The following ARHGEF37 variants were observed in gnomAD, a reference collection of about 807,000 sequenced individuals.
ARHGEF37 encodes the protein Rho guanine nucleotide exchange factor (GEF) 37.
Under a neutral mutation model 71.1 loss-of-function variants are expected in ARHGEF37, and 55 were observed. The ratio of observed to expected loss-of-function variants is 0.77; its 90% CI spans 0.62 to 0.97. The LOEUF (loss-of-function observed/expected upper bound fraction) is 0.97. Ranked by LOEUF, ARHGEF37 falls within the 50% of genes least tolerant of loss-of-function variation. The pLI, the probability that ARHGEF37 is intolerant of heterozygous loss-of-function variation, is 0.00. For missense variants in ARHGEF37, 765 were observed against 836.8 expected (o/e 0.91, Z 1.06); for synonymous variants, 327 against 350.6 (o/e 0.93, Z 0.75).
At chr5:149,627,475 A>T (rs1300793064) in intron 11 of ARHGEF37, among the ~76,000 whole-genome samples, 1 of 152,212 alleles carries the variant, frequency 6.6e-6, no homozygotes, top group African/African-American at 2.4e-5. Context: ...AGAGGAATTG[A>T]GGCATTCGTT....
chr5:149,591,800 T>C (rs1319430802), intron 1 of ARHGEF37, among the ~76,000 whole-genome samples: 1 of 152,224 alleles, frequency 6.6e-6, no homozygotes, highest in Non-Finnish European at 1.5e-5. Context: ...AACAGATTTT[T>C]GTATTAGATG....
At chr5:149,577,430 G>A (rs999468691), upstream of ARHGEF37, among the ~76,000 whole-genome samples, 9 of 152,206 alleles carry the variant, frequency 5.9e-5, no homozygotes, top group Non-Finnish European at 8.8e-5. Context: ...ATAGCATTGC[G>A]CGTATTGTGG....
At chr5:149,569,831 G>T (rs1271866331) in intron 1 of ARHGEF37, among the ~76,000 whole-genome samples, 1 of 151,438 alleles carries the variant, frequency 6.6e-6, no homozygotes, top group Non-Finnish European at 1.5e-5. Context: ...ATGTTTGCCA[G>T]GCTGGTCTCC....
intron 1 of ARHGEF37, among the ~76,000 whole-genome samples, chr5:149,574,431 T>C (rs749434804): frequency 6.6e-6 from 1 of 152,194 alleles, no homozygotes; most frequent in Non-Finnish European, 1.5e-5. Flanking sequence ...AAAGGCTGGG[T>C]CTCCTCACAG....
At chr5:149,580,237 T>A (rs1327389844), upstream of ARHGEF37, among the ~76,000 whole-genome samples, 1 of 152,090 alleles carries the variant, frequency 6.6e-6, no homozygotes, top group Non-Finnish European at 1.5e-5. Flanking sequence ...ATTTTTCTAT[T>A]TTTGGTAGAG....
At chr5:149,616,297 G>A (rs937707326) in intron 4 of ARHGEF37, among the ~76,000 whole-genome samples, 2 of 152,298 alleles carry the variant, frequency 1.3e-5, no homozygotes, top group Non-Finnish European at 1.5e-5. Flanking sequence ...GTAGTCAGTC[G>A]TGTCTGCTGT....
intron 1 of ARHGEF37, among the ~76,000 whole-genome samples, chr5:149,571,100 G>A (rs1258940766): frequency 1.6e-4 from 24 of 150,948 alleles, no homozygotes; most frequent in South Asian, 6.3e-4. Context: ...GCGCCACCAC[G>A]CCCAGCTAAT....
chr5:149,613,093 TGATGG>T (rs1359794100), intron 4 of ARHGEF37, among the ~76,000 whole-genome samples: 1 of 152,238 alleles, frequency 6.6e-6, no homozygotes, highest in East Asian at 1.9e-4. Flanking sequence ...AATTCCAGAA[TGATGG>T]CTGAGGCAGC....
chr5:149,570,776 T>C (rs1271722418), intron 1 of ARHGEF37, among the ~76,000 whole-genome samples: 2 of 149,884 alleles, frequency 1.3e-5, no homozygotes, highest in Non-Finnish European at 1.5e-5. Flanking sequence ...CTTGGGAGGC[T>C]GAGGCAGAAG....
intron 1 of ARHGEF37, among the ~76,000 whole-genome samples, chr5:149,566,340 T>C (rs1358949734): frequency 1.3e-5 from 2 of 151,618 alleles, no homozygotes; most frequent in East Asian, 2.0e-4. Context: ...CTACTAAAAA[T>C]ACAAAAATTA....
rs758818766 is a variant in ARHGEF37 at position 149,632,083 on chromosome 5, C to A, written c.1920C>A (p.Asn640Lys). Residue 640 changes from asparagine (N) to lysine (K), a missense_variant, in exon 13 of 13, where the codon AAC (asparagine) becomes AAA (lysine). Transcript: ENST00000333677. Reference sequence around the variant, plus strand: ...TGGAGGCCCAGGACAAGAAGGGGAACCCTGAGTGGAGCCTGGTGGAAGTGA... The same window carrying A: ...TGGAGGCCCAGGACAAGAAGGGGAAACCTGAGTGGAGCCTGGTGGAAGTGA... ...TILEAQDKKG[N>K]PEWSLVEVNG... 7 of 1,614,236 alleles carry A rather than the reference C, an allele frequency of 4.3e-6. No homozygotes were observed. The highest frequency in any genetic ancestry group is 5.9e-6 in the Non-Finnish European group (7 of 1,180,042).
chr5:149,596,897 T>G (rs557865139), intron 1 of ARHGEF37, among the ~76,000 whole-genome samples: 3 of 152,312 alleles, frequency 2.0e-5, no homozygotes, highest in Non-Finnish European at 4.4e-5. Context: ...ATCAGATCAC[T>G]GAGCAGCAGG....
rs1417436440 is a variant in ARHGEF37 at position 149,624,143 on chromosome 5, A to C, written c.1464+3A>C. The C allele has an allele frequency of 6.2e-7, 1 of 1,605,726 alleles. No homozygotes were observed. Reference sequence around the variant, plus strand: ...TGCAGCCACCTCCCACCACACAAGTAAGCATCCTTCCTCCACCCCAAAGAC... The same window carrying C: ...TGCAGCCACCTCCCACCACACAAGTCAGCATCCTTCCTCCACCCCAAAGAC... On this transcript the variant is annotated splice_donor_region_variant and intron_variant, in intron 10 of 12. Transcript: ENST00000333677.
intron 9 of ARHGEF37, among the ~76,000 whole-genome samples, chr5:149,622,862 T>C (rs1176861244): frequency 6.6e-6 from 1 of 152,244 alleles, no homozygotes; most frequent in African/African-American, 2.4e-5. Flanking sequence ...GAGAGCTGAA[T>C]TGCTGTTGGG....
At chr5:149,575,671 A>ATTTTTT (rs751297275) in intron 1 of ARHGEF37, among the ~76,000 whole-genome samples, 1 of 107,284 alleles carries the variant, frequency 9.3e-6, no homozygotes, top group Non-Finnish European at 1.9e-5. Context: ...CCAAATGACT[A>ATTTTTT]TTTTTTTTTT....
intron 1 of ARHGEF37, among the ~76,000 whole-genome samples, chr5:149,596,387 C>T (rs1270987221): frequency 1.3e-5 from 2 of 152,194 alleles, no homozygotes; most frequent in Admixed American, 6.5e-5. Context: ...TCACTGCAAC[C>T]TCCACCTCCT....
At chr5:149,608,167 A>C (rs900542049) in intron 3 of ARHGEF37, among the ~76,000 whole-genome samples, 1 of 151,930 alleles carries the variant, frequency 6.6e-6, no homozygotes, top group African/African-American at 2.4e-5. Flanking sequence ...CAGTTAAGCT[A>C]TTTTCACTTC....
At chr5:149,559,690 T>A (rs907756899) in intron 1 of ARHGEF37, among the ~76,000 whole-genome samples, 2 of 152,246 alleles carry the variant, frequency 1.3e-5, no homozygotes, top group African/African-American at 4.8e-5. Context: ...ATATAGTTTG[T>A]GGTGATTAAA....
chr5:149,618,841 C>T, intron 6 of ARHGEF37, 97 bp from the exon 7 acceptor site: 1 of 971,578 alleles, frequency 1.0e-6, no homozygotes, highest in African/African-American at 1.6e-5. Flanking sequence ...GTGGGCGAGT[C>T]TGTGGAAAGG....
Sources: allele counts gnomAD v4.1 joint callset (sites outside exome capture counted in the v4.1 genomes callset), GRCh38; gene constraint gnomAD v4.1.1; transcripts MANE v1.5; gene names NCBI Gene and HGNC (gene_info 2026-07-23, HGNC 2026-07-21).